The following BCAS1 variants were observed in gnomAD, a reference collection of about 807,000 sequenced individuals.
The protein encoded by BCAS1 is breast carcinoma-amplified sequence 1.
Under a neutral mutation model 65.4 loss-of-function variants are expected in BCAS1, and 46 were observed. The observed-to-expected ratio is 0.70, with a 90% CI of 0.55 to 0.90. The LOEUF (loss-of-function observed/expected upper bound fraction) is 0.90. BCAS1 is among the 40% of genes least tolerant of loss of function. The pLI, the probability that BCAS1 is intolerant of heterozygous loss-of-function variation, is 0.00. For synonymous variants in BCAS1, 298 were observed against 293.5 expected (o/e 1.02, Z -0.16); for missense variants, 793 against 771.2 (o/e 1.03, Z -0.33).
chr20:54,042,362 C>T (rs2092015416), intron 3 of BCAS1, among the ~76,000 whole-genome samples: 2 of 152,116 alleles, frequency 1.3e-5, no homozygotes, highest in Admixed American at 1.3e-4. Flanking sequence ...TACCTTATAA[C>T]AAACCTGCAC....
At chr20:54,031,537 A>G (rs2091800250) in intron 3 of BCAS1, among the ~76,000 whole-genome samples, 1 of 151,276 alleles carries the variant, frequency 6.6e-6, no homozygotes, top group Non-Finnish European at 1.5e-5. Flanking sequence ...ATAGACTAAT[A>G]AAAATAAGTC....
chr20:53,991,367 CAT>C (rs1176985089), intron 7 of BCAS1, among the ~76,000 whole-genome samples: 1 of 152,218 alleles, frequency 6.6e-6, no homozygotes, highest in Non-Finnish European at 1.5e-5. Flanking sequence ...GGCTTCATAA[CAT>C]AGTCTGCTTA....
At chr20:53,951,871 T>A (rs952723475) in intron 12 of BCAS1, among the ~76,000 whole-genome samples, 13 of 152,172 alleles carry the variant, frequency 8.5e-5, no homozygotes, top group African/African-American at 3.1e-4. Flanking sequence ...AAGAAGCTAA[T>A]AAGGAACTAT....
chr20:53,978,660 A>C (rs2090399153), intron 8 of BCAS1, among the ~76,000 whole-genome samples: 1 of 152,232 alleles, frequency 6.6e-6, no homozygotes, highest in African/African-American at 2.4e-5. Flanking sequence ...ATTTTGAACT[A>C]TTCTTGTACA....
At chr20:54,046,843 C>CAAAAAA (rs74179264) in intron 3 of BCAS1, among the ~76,000 whole-genome samples, 4 of 117,798 alleles carry the variant, frequency 3.4e-5, no homozygotes, top group African/African-American at 9.9e-5. Flanking sequence ...GACTCTGTCT[C>CAAAAAA]AAAAAAAAAA....
At chr20:54,007,324 C>T (rs1418896520) in intron 4 of BCAS1, among the ~76,000 whole-genome samples, 1 of 152,112 alleles carries the variant, frequency 6.6e-6, no homozygotes, top group East Asian at 1.9e-4. Flanking sequence ...GCTGAAGGGA[C>T]TAGGAATTAC....
rs1600719928 is a variant in BCAS1, at chr20:53,963,275, A to T, written c.1485+3631T>A. Among the ~76,000 whole-genome samples, 8 of 151,816 alleles carry T rather than the reference A, an allele frequency of 5.3e-5. No homozygotes were observed. In the South Asian group the frequency reaches 1.7e-3, roughly 32 times the overall value. On this transcript the variant is annotated intron_variant, in intron 10 of 12. Coordinates refer to ENST00000688948, the MANE Select transcript of BCAS1 (RefSeq NM_001366298.2). ...GGCGGGTGGATCACCTGAGATCAGG[A>T]GTTTGAGACCAGCCTGGCCAATATG... is the stretch of plus-strand genomic sequence containing the variant.
chr20:54,041,445 C>G (rs2091989367), intron 3 of BCAS1, among the ~76,000 whole-genome samples: 1 of 141,020 alleles, frequency 7.1e-6, no homozygotes, highest in African/African-American at 2.5e-5. Flanking sequence ...AAAAGACATG[C>G]AGCCAGCTTT....
chr20:54,001,898 A>G (rs999552800), intron 4 of BCAS1, among the ~76,000 whole-genome samples: 1 of 152,184 alleles, frequency 6.6e-6, no homozygotes, highest in African/African-American at 2.4e-5. Context: ...TGTCTAGTCT[A>G]GGAAGCTAAT....
intron 10 of BCAS1, among the ~76,000 whole-genome samples, chr20:53,963,253 G>A (rs143317634): frequency 0.021 from 3,180 of 151,844 alleles, 84 homozygotes; most frequent in East Asian, 0.098. Context: ...AGTCCGAGGC[G>A]GGTGGATCAC....
chr20:54,008,700 TCATAC>T (rs138358246), intron 4 of BCAS1, among the ~76,000 whole-genome samples: 1,954 of 152,218 alleles, frequency 0.013, 43 homozygotes, highest in African/African-American at 0.044. Context: ...AGATAACTTG[TCATAC>T]CATACCAAGA....
intron 5 of BCAS1, 140 bp downstream of exon 5, chr20:53,995,752 C>G: frequency 1.0e-6 from 1 of 984,544 alleles, no homozygotes; most frequent in Non-Finnish European, 1.4e-6. Context: ...TGAAGCATAT[C>G]TTGTCCCTGT....
At chr20:54,052,330 A>G (rs561839014) in intron 3 of BCAS1, among the ~76,000 whole-genome samples, 1 of 152,266 alleles carries the variant, frequency 6.6e-6, no homozygotes, top group East Asian at 1.9e-4. Context: ...CCTTTCTAGA[A>G]TTTTATATAA....
intron 4 of BCAS1, among the ~76,000 whole-genome samples, chr20:54,000,244 T>C (rs1208035030): frequency 3.3e-5 from 5 of 152,168 alleles, no homozygotes; most frequent in African/African-American, 9.7e-5. Flanking sequence ...GATTTACCAC[T>C]GGTATCTGGA....
chr20:54,021,270 G>A (rs558277427), intron 4 of BCAS1, among the ~76,000 whole-genome samples: 3 of 151,658 alleles, frequency 2.0e-5, no homozygotes, highest in East Asian at 1.9e-4. Flanking sequence ...AATATTACAC[G>A]TCCAATTCCA....
At chr20:53,977,498 C>A (rs1276025913) in intron 8 of BCAS1, among the ~76,000 whole-genome samples, 4 of 152,112 alleles carry the variant, frequency 2.6e-5, no homozygotes, top group Admixed American at 6.5e-5. Context: ...GTTTACATAC[C>A]CTTTTTCCTG....
chr20:54,016,448 T>C (rs1044222763), intron 4 of BCAS1, among the ~76,000 whole-genome samples: 3 of 152,246 alleles, frequency 2.0e-5, no homozygotes, highest in African/African-American at 7.2e-5. Flanking sequence ...AATATTTGTC[T>C]TCTCTTCATG....
intron 9 of BCAS1, among the ~76,000 whole-genome samples, chr20:53,972,211 G>C (rs1022263777): frequency 6.6e-6 from 1 of 152,168 alleles, no homozygotes; most frequent in African/African-American, 2.4e-5. Context: ...ATATCTAATT[G>C]TCCTGTTGTG....
chr20:53,952,086 T>C (rs181220301), intron 12 of BCAS1, among the ~76,000 whole-genome samples: 1 of 152,376 alleles, frequency 6.6e-6, no homozygotes, highest in East Asian at 1.9e-4. Flanking sequence ...AAAGTGGGTA[T>C]TTTTTAAACA....
Sources: allele counts gnomAD v4.1 joint callset (sites outside exome capture counted in the v4.1 genomes callset), GRCh38; gene constraint gnomAD v4.1.1; transcripts MANE v1.5; gene names NCBI Gene and HGNC (gene_info 2026-07-23, HGNC 2026-07-21).